The following WDR27 variants were observed in gnomAD, a reference collection of about 807,000 sequenced individuals.
The protein encoded by WDR27 is WD repeat-containing protein 27.
WDR27 carries 100 observed loss-of-function variants against 114.4 expected under a neutral mutation model. The observed-to-expected ratio is 0.87, with a 90% confidence interval of 0.74 to 1.03. The LOEUF is 1.03. WDR27 is among the 50% of genes least tolerant of loss of function. The pLI is 0.00. For synonymous variants in WDR27, 449 were observed against 423.1 expected (o/e 1.06, Z -0.75); for missense variants, 1,129 against 1,092.9 (o/e 1.03, Z -0.47).
At chr6:169,604,214 A>G (rs1365745952) in intron 22 of WDR27, among the ~76,000 whole-genome samples, 1 of 152,220 alleles carries the variant, frequency 6.6e-6, no homozygotes, top group African/African-American at 2.4e-5. Context: ...AACCACTTGT[A>G]GACTAACCAA....
At chr6:169,617,716 G>A (rs144611923) in intron 21 of WDR27, among the ~76,000 whole-genome samples, 1,590 of 152,166 alleles carry the variant, frequency 0.01, 39 homozygotes, top group African/African-American at 0.037. Flanking sequence ...CTTTCTACTT[G>A]GCCAGCGCCA....
At chr6:169,647,081 C>G (rs1278359676) in intron 16 of WDR27, among the ~76,000 whole-genome samples, 1 of 152,164 alleles carries the variant, frequency 6.6e-6, no homozygotes, top group Non-Finnish European at 1.5e-5. Flanking sequence ...AAGGAAATCT[C>G]ACTTCTGAGA....
At chr6:169,568,746 G>A (rs528383384) in intron 25 of WDR27, among the ~76,000 whole-genome samples, 70 of 152,236 alleles carry the variant, frequency 4.6e-4, no homozygotes, top group South Asian at 1.5e-3. Context: ...TGGATTAAGG[G>A]GCCATGCAAC....
intron 25 of WDR27, among the ~76,000 whole-genome samples, chr6:169,564,052 C>T (rs1263409644): frequency 6.6e-6 from 1 of 152,222 alleles, no homozygotes; most frequent in African/African-American, 2.4e-5. Flanking sequence ...AGCAAGGAAG[C>T]CAGACCAAGT....
In WDR27 at chr6:169,486,504, T is replaced by C. The variant is rs983673328; in HGVS notation, c.2646-28870A>G. Among the ~76,000 whole-genome samples, 9 of 152,108 alleles carry C rather than the reference T, an allele frequency of 5.9e-5. No individual in the cohort carries two copies. The East Asian group carries it at 1.7e-3, about 29-fold the overall frequency. ...TTATATTTCATTTCATTTCATTTCA[T>C]TTTTTGAGACAGAGTCTCACTCTGT... On this transcript the variant is annotated intron_variant, in intron 25 of 25. Transcript: ENST00000448612.
chr6:169,488,224 C>T (rs1789213904), intron 25 of WDR27, among the ~76,000 whole-genome samples: 1 of 152,222 alleles, frequency 6.6e-6, no homozygotes, highest in African/African-American at 2.4e-5. Flanking sequence ...GGGGCTGCAC[C>T]ACCAGCTTAG....
chr6:169,586,709 C>T (rs1009832867), intron 23 of WDR27, among the ~76,000 whole-genome samples: 2 of 151,690 alleles, frequency 1.3e-5, no homozygotes, highest in Admixed American at 6.6e-5. Context: ...ATTAGCTGGG[C>T]GTGGTGGCAC....
intron 25 of WDR27, among the ~76,000 whole-genome samples, chr6:169,501,257 A>C (rs928610601): frequency 6.6e-6 from 1 of 152,178 alleles, no homozygotes; most frequent in Non-Finnish European, 1.5e-5. Context: ...GTGGCCCGGC[A>C]GGGAGCCCAG....
chr6:169,454,411 G>T (rs1016876194), downstream of WDR27, among the ~76,000 whole-genome samples: 2 of 151,986 alleles, frequency 1.3e-5, no homozygotes, highest in Non-Finnish European at 2.9e-5. Context: ...GACTCACACA[G>T]GTTATCTTTT....
At chr6:169,603,265 G>A (rs1312699372) in intron 22 of WDR27, among the ~76,000 whole-genome samples, 1 of 151,464 alleles carries the variant, frequency 6.6e-6, no homozygotes, top group Non-Finnish European at 1.5e-5. Flanking sequence ...AATATAGGCT[G>A]TAGAAAATAA....
At chr6:169,555,708 T>G (rs1798775315) in intron 25 of WDR27, among the ~76,000 whole-genome samples, 1 of 152,122 alleles carries the variant, frequency 6.6e-6, no homozygotes, top group African/African-American at 2.4e-5. Context: ...GAGACAATAA[T>G]TTTCTTCACT....
intron 25 of WDR27, among the ~76,000 whole-genome samples, chr6:169,516,247 G>C (rs1793621365): frequency 1.3e-5 from 2 of 152,294 alleles, no homozygotes; most frequent in South Asian, 4.1e-4. Flanking sequence ...CACAAGATTT[G>C]CTGCATTTTG....
At chr6:169,638,300 G>C (rs1818183160) in intron 18 of WDR27, among the ~76,000 whole-genome samples, 1 of 64,548 alleles carries the variant, frequency 1.5e-5, no homozygotes, top group Admixed American at 1.6e-4. Flanking sequence ...TCCGACCTGG[G>C]CGACAGAGCG....
intron 2 of WDR27, among the ~76,000 whole-genome samples, chr6:169,673,059 G>A (rs543644170): frequency 6.6e-6 from 1 of 152,234 alleles, no homozygotes; most frequent in Admixed American, 6.5e-5. Flanking sequence ...TAAAGACCTG[G>A]ACTAAGAAAG....
rs1362254592 is a variant in WDR27, at chr6:169,552,272, G to A, written c.2645+20147C>T. Among the ~76,000 whole-genome samples the A allele has an allele frequency of 2.0e-5, 3 of 152,024 alleles. 1 individual carries two copies. In the East Asian group the frequency reaches 5.8e-4, roughly 29 times the overall value. ...CCCCACTTCCTTCCGTTTAGCCATA[G>A]AACCCGTGGCCTTTTAATAAGCACG... On this transcript the variant is annotated intron_variant, in intron 25 of 25. Coordinates refer to ENST00000448612, the MANE Select transcript of WDR27 (RefSeq NM_182552.5).
At chr6:169,565,771 G>T (rs1800362632) in intron 25 of WDR27, among the ~76,000 whole-genome samples, 1 of 152,152 alleles carries the variant, frequency 6.6e-6, no homozygotes, top group Admixed American at 6.5e-5. Context: ...GACCTCCCAG[G>T]CTCCCGCGTA....
rs919301516 is a variant in WDR27 at position 169,642,383 on chromosome 6, G to C, written c.1747+1314C>G. ...CTACATTTTTTCAGTTTAGTGAGAA[G>C]CCCTTTTTCCAACAATAAAATACAC... On this transcript the variant is annotated intron_variant, in intron 17 of 25. Coordinates refer to ENST00000448612, the MANE Select transcript of WDR27 (RefSeq NM_182552.5). 1.8e-4 allele frequency among the ~76,000 whole-genome samples: 28 copies of C among 151,618 alleles called. No homozygotes were observed. The East Asian group carries it at 5.5e-3, about 30-fold the overall frequency.
At chr6:169,638,814 G>T (rs1306664177) in intron 17 of WDR27, among the ~76,000 whole-genome samples, 154 bp from the exon 18 acceptor site, 3 of 152,364 alleles carry the variant, frequency 2.0e-5, no homozygotes, top group Middle Eastern at 3.4e-3. Flanking sequence ...CCACAGTGAG[G>T]CTGCAGAGCC....
At chr6:169,554,188 C>T (rs1584177088) in intron 25 of WDR27, among the ~76,000 whole-genome samples, 1 of 152,158 alleles carries the variant, frequency 6.6e-6, no homozygotes, top group Admixed American at 6.5e-5. Context: ...TGGTCATGCC[C>T]GGGTTCTAGT....
Sources: gnomAD v4.1 joint callset for allele counts (sites outside exome capture counted in the v4.1 genomes callset) on GRCh38, gnomAD v4.1.1 for gene constraint, MANE v1.5 for transcripts, NCBI Gene and HGNC (gene_info 2026-07-23, HGNC 2026-07-21) for gene names.